The following OSBPL10 variants were observed in gnomAD, a reference collection of about 807,000 sequenced individuals.
OSBPL10 encodes the protein oxysterol binding protein like 10, also known as oxysterol-binding protein-related protein 10.
A neutral mutation model predicts 81.7 loss-of-function variants in OSBPL10; 49 were observed. That is an observed-to-expected ratio of 0.60 (90% confidence interval 0.48 to 0.76). OSBPL10 has a LOEUF of 0.76. Among genes scored for constraint, OSBPL10 ranks in the 30% least tolerant of loss-of-function variants. OSBPL10 has a pLI of 0.00. For synonymous variants in OSBPL10, 419 were observed against 383.6 expected (o/e 1.09, Z -1.08); for missense variants, 923 against 987.8 (o/e 0.93, Z 0.88).
intron 1 of OSBPL10, among the ~76,000 whole-genome samples, chr3:31,912,121 C>G (rs572191972): frequency 6.6e-6 from 1 of 151,864 alleles, no homozygotes; most frequent in Non-Finnish European, 1.5e-5. Context: ...ATTGGCTGGG[C>G]GCAGTGGCTC....
In OSBPL10 at chr3:31,830,051, C is replaced by G. The variant is rs1403587806; in HGVS notation, c.718G>C (p.Glu240Gln). Residue 240 changes from glutamate (E) to glutamine (Q), a missense_variant, in exon 4 of 12, where the codon GAA becomes CAA. Physicochemically the swap from Glu to Gln is conservative, Grantham distance 29. Coordinates refer to ENST00000396556, the MANE Select transcript of OSBPL10 (RefSeq NM_017784.5). ...AGAGCAAAGCCTACCTCTCTGACTT[C>G]GTGAAGCTGGCCGGAATACTGACTC... ...AKSQYSGQLH[E>Q]VREMMNQVEG... 1 of 1,612,854 alleles carries G rather than the reference C, an allele frequency of 6.2e-7. No homozygotes were observed. The highest frequency in any genetic ancestry group is 8.5e-7 in the Non-Finnish European group (1 of 1,179,742).
At chr3:31,924,679 CT>C (rs1318172253) in intron 1 of OSBPL10, among the ~76,000 whole-genome samples, 1 of 152,070 alleles carries the variant, frequency 6.6e-6, no homozygotes. Flanking sequence ...GATTGGCAAA[CT>C]TTTTCTACAA....
chr3:31,823,866 G>A (rs867702501), intron 4 of OSBPL10, among the ~76,000 whole-genome samples: 1 of 151,912 alleles, frequency 6.6e-6, no homozygotes, highest in South Asian at 2.1e-4. Flanking sequence ...GTGTGTGTGT[G>A]TGTGAAATGG....
chr3:31,756,303 CAAT>C (rs371411561), intron 4 of OSBPL10, among the ~76,000 whole-genome samples: 42 of 152,284 alleles, frequency 2.8e-4, no homozygotes, highest in African/African-American at 9.6e-4. Context: ...CAGAAAACAA[CAAT>C]GAGAAGGTTC....
At chr3:31,709,523 T>C (rs983655323) in intron 6 of OSBPL10, among the ~76,000 whole-genome samples, 1 of 152,122 alleles carries the variant, frequency 6.6e-6, no homozygotes, top group Non-Finnish European at 1.5e-5. Context: ...GCAGCATGTC[T>C]TTGTCTAATT....
chr3:31,912,381 CGAGACTCT>C (rs1696606429), intron 1 of OSBPL10, among the ~76,000 whole-genome samples: 1 of 131,642 alleles, frequency 7.6e-6, no homozygotes, highest in African/African-American at 2.9e-5. Flanking sequence ...GGCGACAGGG[CGAGACTCT>C]GTCTCGGAAA....
chr3:31,782,961 C>T (rs1445273333), intron 4 of OSBPL10, among the ~76,000 whole-genome samples: 3 of 151,922 alleles, frequency 2.0e-5, no homozygotes, highest in African/African-American at 4.8e-5. Context: ...GAAAAGAAGT[C>T]ATTACATGAA....
intron 4 of OSBPL10, among the ~76,000 whole-genome samples, chr3:31,802,891 A>G (rs1699420269): frequency 6.6e-6 from 1 of 151,932 alleles, no homozygotes; most frequent in South Asian, 2.1e-4. Context: ...CCACCCAGTC[A>G]GCTCTAGTTG....
chr3:31,973,982 G>A (rs537869825), intron 1 of OSBPL10, among the ~76,000 whole-genome samples: 67 of 152,280 alleles, frequency 4.4e-4, no homozygotes, highest in African/African-American at 1.5e-3. Context: ...AGGACATAAT[G>A]CCTGCATAAT....
At chr3:31,742,671 G>C (rs542323015) in intron 5 of OSBPL10, among the ~76,000 whole-genome samples, 1 of 152,128 alleles carries the variant, frequency 6.6e-6, no homozygotes, top group Non-Finnish European at 1.5e-5. Flanking sequence ...GCATCTGCCC[G>C]AACTCAAACC....
chr3:31,974,356 T>C (rs1698640014), intron 1 of OSBPL10, among the ~76,000 whole-genome samples: 1 of 152,172 alleles, frequency 6.6e-6, no homozygotes, highest in African/African-American at 2.4e-5. Flanking sequence ...TCTGCTAGTA[T>C]CTAATAAGCT....
intron 7 of OSBPL10, among the ~76,000 whole-genome samples, chr3:31,698,115 A>G (rs909514289): frequency 7.3e-5 from 11 of 151,482 alleles, no homozygotes; most frequent in South Asian, 2.1e-4. Flanking sequence ...TAGTCACCCC[A>G]CCTCAGTCTA....
At chr3:31,840,131 G>C (rs1468500149) in intron 3 of OSBPL10, among the ~76,000 whole-genome samples, 1 of 151,774 alleles carries the variant, frequency 6.6e-6, no homozygotes, top group Admixed American at 6.6e-5. Context: ...ATGAATCATA[G>C]AACAAAAGGC....
intron 4 of OSBPL10, among the ~76,000 whole-genome samples, chr3:31,768,127 G>A (rs1021797749): frequency 2.6e-5 from 4 of 152,262 alleles, no homozygotes; most frequent in Middle Eastern, 3.4e-3. Flanking sequence ...GGCCATATAG[G>A]GTAGTTTCCA....
intron 7 of OSBPL10, among the ~76,000 whole-genome samples, chr3:31,686,619 A>G (rs1372038705): frequency 2.6e-5 from 4 of 152,212 alleles, no homozygotes; most frequent in African/African-American, 9.6e-5. Context: ...AGGAAGAAAC[A>G]TTATTTAAAA....
intron 6 of OSBPL10, among the ~76,000 whole-genome samples, chr3:31,706,913 C>T (rs1439091053): frequency 6.6e-6 from 1 of 152,180 alleles, no homozygotes; most frequent in African/African-American, 2.4e-5. Flanking sequence ...TGGCACTTCA[C>T]TCCTGCTTTC....
chr3:31,841,519 C>T (rs777479660), intron 3 of OSBPL10, among the ~76,000 whole-genome samples: 23 of 152,218 alleles, frequency 1.5e-4, no homozygotes, highest in Non-Finnish European at 2.8e-4. Context: ...ACAACCCAGG[C>T]GAGGCTTAGG....
intron 4 of OSBPL10, among the ~76,000 whole-genome samples, chr3:31,788,679 G>A (rs1449245996): frequency 3.9e-5 from 6 of 152,104 alleles, no homozygotes; most frequent in East Asian, 3.8e-4. Flanking sequence ...TTAGGAGGCC[G>A]ATGCAGGAGG....
chr3:31,679,121 G>A (rs1046083200), intron 8 of OSBPL10, among the ~76,000 whole-genome samples: 5 of 152,178 alleles, frequency 3.3e-5, no homozygotes, highest in African/African-American at 1.2e-4. Context: ...AAACACCCCA[G>A]CCACTAGCTC....
Sources: gnomAD v4.1 joint callset for allele counts (sites outside exome capture counted in the v4.1 genomes callset) on GRCh38, gnomAD v4.1.1 for gene constraint, MANE v1.5 for transcripts, NCBI Gene and HGNC (gene_info 2026-07-23, HGNC 2026-07-21) for gene names.